The following COBL variants were observed in gnomAD, a reference collection of about 807,000 sequenced individuals.
COBL encodes cordon-bleu WH2 repeat protein, also known as protein cordon-bleu.
A neutral mutation model predicts 98.8 loss-of-function variants in COBL; 51 were observed. The observed-to-expected ratio is 0.52, with a 90% CI of 0.41 to 0.65. The LOEUF is 0.65. Among genes scored for constraint, COBL ranks in the 30% least tolerant of loss-of-function variants. COBL has a pLI of 0.00. For synonymous variants in COBL, 634 were observed against 651.7 expected, an observed-to-expected ratio of 0.97 and a Z score of 0.41; for missense variants, 1,617 against 1,617.5, an observed-to-expected ratio of 1.00 and a Z score of 0.01.
intron 7 of COBL, among the ~76,000 whole-genome samples, chr7:51,061,191 G>A (rs1165347333): frequency 2.0e-5 from 3 of 152,082 alleles, no homozygotes; most frequent in Admixed American, 6.6e-5. Context: ...AACAGTAATT[G>A]TCAATGAGTA....
intron 6 of COBL, among the ~76,000 whole-genome samples, chr7:51,098,240 G>GAAATAGGAAAAAC (rs1384251735): frequency 2.5e-5 from 1 of 40,168 alleles, no homozygotes; most frequent in Non-Finnish European, 4.7e-5. Context: ...TTTTTTTGGA[G>GAAATAGGAAAAAC]AAATAGGAAA....
chr7:51,245,539 T>C (rs1796213882), intron 1 of COBL, among the ~76,000 whole-genome samples: 1 of 152,232 alleles, frequency 6.6e-6, no homozygotes, highest in South Asian at 2.1e-4. Context: ...TCAACAGGTA[T>C]CTGTCCAATG....
chr7:51,105,196 C>T (rs541611504), intron 6 of COBL, among the ~76,000 whole-genome samples: 1 of 152,108 alleles, frequency 6.6e-6, no homozygotes, highest in East Asian at 1.9e-4. Context: ...TCTTCCAAGA[C>T]CGCCATTAAA....
chr7:51,113,264 A>T (rs1428024658), intron 6 of COBL, among the ~76,000 whole-genome samples: 3 of 152,254 alleles, frequency 2.0e-5, no homozygotes, highest in African/African-American at 4.8e-5. Context: ...CTCAGAATAT[A>T]TGAAGGAAAT....
chr7:51,286,266 T>C (rs1465570470), intron 1 of COBL, among the ~76,000 whole-genome samples: 1 of 151,474 alleles, frequency 6.6e-6, no homozygotes. Context: ...CTGTACTTCT[T>C]CATAATTAAA....
Position 51,017,539 on chromosome 7 carries a change from G to A in COBL, c.*12C>T, listed in dbSNP as rs762139005. The stretch of plus-strand genomic sequence containing the variant: ...ACAGGTGGGTTTCTGCAATTCTCTG[G>A]CCTCTGTTCATTCACACGAGCAAGG... On this transcript the variant is annotated 3_prime_UTR_variant, in exon 13 of 13. Coordinates refer to ENST00000265136, the MANE Select transcript of COBL (RefSeq NM_015198.5). The A allele has an allele frequency of 3.1e-6, 5 of 1,613,848 alleles. No individual in the cohort carries two copies. In the Admixed American group the frequency reaches 8.3e-5, roughly 27 times the overall value.
At chr7:51,065,631 C>G (rs550197324) in intron 7 of COBL, among the ~76,000 whole-genome samples, 1 of 152,164 alleles carries the variant, frequency 6.6e-6, no homozygotes, top group Non-Finnish European at 1.5e-5. Context: ...AGTCAGAGTC[C>G]GGGTCTCCCC....
intron 7 of COBL, chr7:51,065,491 G>T: frequency 1.5e-6 from 1 of 672,088 alleles, no homozygotes; most frequent in South Asian, 1.6e-5. Flanking sequence ...GGCAGAGGCC[G>T]AATGCACGCA....
chr7:51,059,203 CG>C (rs1392425607), intron 7 of COBL, among the ~76,000 whole-genome samples: 1 of 152,072 alleles, frequency 6.6e-6, no homozygotes, highest in Non-Finnish European at 1.5e-5. Flanking sequence ...ATGTATAGCT[CG>C]TATTTATTTC....
intron 5 of COBL, among the ~76,000 whole-genome samples, chr7:51,140,053 G>A (rs1474182705): frequency 2.0e-5 from 3 of 152,028 alleles, no homozygotes; most frequent in African/African-American, 7.3e-5. Context: ...TCTCACCAAA[G>A]GTTGGCACCA....
At chr7:51,295,741 G>A (rs963622341) in intron 1 of COBL, among the ~76,000 whole-genome samples, 1 of 152,158 alleles carries the variant, frequency 6.6e-6, no homozygotes, top group African/African-American at 2.4e-5. Flanking sequence ...CCAAGAACTT[G>A]TGGCCAACCT....
At chr7:51,189,702 A>C (rs1789911403) in intron 4 of COBL, among the ~76,000 whole-genome samples, 2 of 152,316 alleles carry the variant, frequency 1.3e-5, no homozygotes, top group South Asian at 4.1e-4. Context: ...TCATAGAAAA[A>C]CAGGAAAAAC....
At chr7:51,268,721 G>C (rs563878364) in intron 1 of COBL, among the ~76,000 whole-genome samples, 1 of 152,056 alleles carries the variant, frequency 6.6e-6, no homozygotes, top group African/African-American at 2.4e-5. Flanking sequence ...CACAAGGTCG[G>C]GAGTTCGAGA....
chr7:51,115,241 T>G (rs1189233581), intron 6 of COBL, among the ~76,000 whole-genome samples: 3 of 152,124 alleles, frequency 2.0e-5, no homozygotes, highest in Non-Finnish European at 2.9e-5. Context: ...GAGCTCTGAT[T>G]TTATGCATTT....
intron 5 of COBL, among the ~76,000 whole-genome samples, chr7:51,147,894 G>C (rs1028995100): frequency 4.6e-5 from 7 of 151,844 alleles, no homozygotes; most frequent in South Asian, 2.1e-4. Flanking sequence ...GGGAATACAG[G>C]CACCCGCCAC....
At chr7:51,300,273 G>T (rs909723911) in intron 1 of COBL, among the ~76,000 whole-genome samples, 2 of 152,096 alleles carry the variant, frequency 1.3e-5, no homozygotes, top group Non-Finnish European at 2.9e-5. Context: ...CAATTCTCCT[G>T]CCTCAGCCTC....
intron 4 of COBL, among the ~76,000 whole-genome samples, chr7:51,189,895 T>C (rs1203369384): frequency 6.6e-6 from 1 of 152,186 alleles, no homozygotes; most frequent in Non-Finnish European, 1.5e-5. Context: ...GCACTCTATA[T>C]CAATCAGAAA....
At chr7:51,307,271 C>CCA (rs1802570472) in intron 1 of COBL, among the ~76,000 whole-genome samples, 1 of 152,130 alleles carries the variant, frequency 6.6e-6, no homozygotes, top group Non-Finnish European at 1.5e-5. Flanking sequence ...ATTGCTTGAA[C>CCA]CTAGGAGGTA....
At chr7:51,234,702 G>GAAA (rs71021761) in intron 1 of COBL, among the ~76,000 whole-genome samples, 21 of 114,012 alleles carry the variant, frequency 1.8e-4, no homozygotes, top group African/African-American at 3.0e-4. Flanking sequence ...CCCTGTTTCA[G>GAAA]AAAAAAAAAA....
Sources: allele counts gnomAD v4.1 joint callset (sites outside exome capture counted in the v4.1 genomes callset), GRCh38; gene constraint gnomAD v4.1.1; transcripts MANE v1.5; gene names NCBI Gene and HGNC (gene_info 2026-07-23, HGNC 2026-07-21).